SLC9C2: variants seen among roughly 807,000 people sequenced by gnomAD.
SLC9C2 encodes the protein solute carrier family 9 member C2 (putative), also known as sodium/hydrogen exchanger 11.
Under a neutral mutation model 140.2 loss-of-function variants are expected in SLC9C2, and 75 were observed. The ratio of observed to expected loss-of-function variants is 0.53; its 90% CI spans 0.44 to 0.65. SLC9C2 has a LOEUF of 0.65. Ranked by LOEUF, SLC9C2 falls within the 30% of genes least tolerant of loss-of-function variation. The pLI is 0.00. For missense variants in SLC9C2, 1,074 were observed against 1,331.8 expected (o/e 0.81, Z 3.01); for synonymous variants, 375 against 420.9 (o/e 0.89, Z 1.34).
chr1:173,536,760 A>T (rs768605594), intron 14 of SLC9C2, among the ~76,000 whole-genome samples, 182 bp downstream of exon 14: 9 of 152,182 alleles, frequency 5.9e-5, no homozygotes, highest in Non-Finnish European at 1.0e-4. Flanking sequence ...TAAACCAATA[A>T]AATAAAAAGC....
At chr1:173,579,981 A>C (rs1665418522) in intron 7 of SLC9C2, among the ~76,000 whole-genome samples, 1 of 152,220 alleles carries the variant, frequency 6.6e-6, no homozygotes, top group Non-Finnish European at 1.5e-5. Context: ...GGAAAAGGGA[A>C]TAGGAACTCA....
intron 23 of SLC9C2, among the ~76,000 whole-genome samples, chr1:173,511,320 G>A (rs190905609): frequency 7.2e-5 from 11 of 152,022 alleles, no homozygotes; most frequent in East Asian, 3.9e-4. Flanking sequence ...ATGAGCCACC[G>A]TGCCTGGCCC....
At chr1:173,580,110 T>C (rs936236456) in intron 7 of SLC9C2, among the ~76,000 whole-genome samples, 2 of 152,158 alleles carry the variant, frequency 1.3e-5, no homozygotes, top group Non-Finnish European at 2.9e-5. Flanking sequence ...CAGTTCAAGG[T>C]TGGGGCGGTA....
intron 18 of SLC9C2, among the ~76,000 whole-genome samples, chr1:173,527,468 G>A (rs188715092): frequency 5.9e-5 from 9 of 152,318 alleles, no homozygotes; most frequent in East Asian, 1.9e-4. Context: ...GAGAAAATAC[G>A]ATATTGATTA....
At position 173,533,532 on chromosome 1, in the gene SLC9C2, C is replaced by A. The variant is rs1465906537; in HGVS notation, c.2163+77G>T. ...GACTCAAGCAATCCACCCACCTAGG[C>A]CTCCCAAAGTGCTGGGATTATAGGT... On this transcript the variant is annotated intron_variant, in intron 17 of 27. Coordinates refer to ENST00000367714, the MANE Select transcript of SLC9C2 (RefSeq NM_178527.4). 5 of 1,092,690 alleles carry A rather than the reference C, an allele frequency of 4.6e-6. No homozygotes were observed. In the East Asian group the frequency reaches 1.2e-4, roughly 27 times the overall value. The allele number at this position is 1,092,690 out of a possible 1,614,324, so 67.7% of individuals were successfully genotyped here.
At chr1:173,547,914 A>G (rs1662972588) in intron 12 of SLC9C2, 130 bp from the exon 13 acceptor site, 2 of 661,188 alleles carry the variant, frequency 3.0e-6, no homozygotes, top group Non-Finnish European at 5.0e-6. Context: ...GCTAGAATGA[A>G]GAGCTATGTA....
chr1:173,576,650 A>T lies in SLC9C2; in HGVS notation c.902+11T>A. 1.9e-6 allele frequency: 3 copies of T among 1,571,094 alleles called. No homozygotes were observed. The highest frequency in any genetic ancestry group is 2.6e-6 in the Non-Finnish European group (3 of 1,145,344). On this transcript the variant is annotated intron_variant, in intron 8 of 27. Transcript: ENST00000367714. ...TATGAGATCCATCGAAGGGCACGAT[A>T]GGAAACTTACTTAGTAATTACAAGT...
chr1:173,555,596 A>G (rs1234719741), intron 10 of SLC9C2, among the ~76,000 whole-genome samples: 1 of 152,208 alleles, frequency 6.6e-6, no homozygotes, highest in Non-Finnish European at 1.5e-5. Context: ...CCCAGGTGCT[A>G]GTTAACTTCT....
At chr1:173,533,587 A>G in intron 17 of SLC9C2, 22 bp downstream of exon 17, 2 of 1,546,816 alleles carry the variant, frequency 1.3e-6, no homozygotes, top group South Asian at 2.3e-5. Context: ...AAATCTTAAT[A>G]TTTTAAAATG....
At position 173,530,286 on chromosome 1, in the gene SLC9C2, A is replaced by T. The variant is rs1230669666; in HGVS notation, c.2164-232T>A. ...TGCCAGGTGATTCTGTGCCTACAAA[A>T]GTCAAGACCCATTCTCTAAAGAAGG... On this transcript the variant is annotated intron_variant, in intron 17 of 27. Coordinates refer to ENST00000367714, the MANE Select transcript of SLC9C2 (RefSeq NM_178527.4). Among the ~76,000 whole-genome samples, 3 of 152,280 alleles carry T rather than the reference A, an allele frequency of 2.0e-5. No individual in the cohort carries two copies. The East Asian group carries it at 5.8e-4, about 29-fold the overall frequency.
Position 173,536,952 on chromosome 1 carries a change from T to G in SLC9C2, c.1645A>C (p.Ile549Leu), listed in dbSNP as rs1207534453. Reference protein sequence around the residue: ...LIGAAKCYYSIQGKFMSIYDV... With the variant: ...LIGAAKCYYSLQGKFMSIYDV... ...AAGTGTTATACTTACTTTCCTTGGA[T>G]GGAGTAATAGCATTTTGCTGCACCA... The change falls in exon 14 of 28, where the codon ATC (isoleucine) becomes CTC (leucine). Residue 549 changes from isoleucine (I) to leucine (L), a missense_variant. By Grantham distance (5) the Ile-to-Leu change is conservative. Coordinates refer to ENST00000367714, the MANE Select transcript of SLC9C2 (RefSeq NM_178527.4). 1.9e-6 allele frequency: 3 copies of G among 1,612,278 alleles called. No individual in the cohort carries two copies. Among genetic ancestry groups the G allele is most frequent in the Non-Finnish European group, 2.5e-6 (3 of 1,178,680 alleles).
At chr1:173,581,698 A>G (rs1665545644) in intron 7 of SLC9C2, 149 bp downstream of exon 7, 1 of 520,154 alleles carries the variant, frequency 1.9e-6, no homozygotes, top group Middle Eastern at 5.5e-4. Context: ...AAGACCAGGA[A>G]AGAGCTAGAG....
chr1:173,543,895 T>TA (rs929903526), intron 13 of SLC9C2, among the ~76,000 whole-genome samples: 20 of 152,008 alleles, frequency 1.3e-4, no homozygotes, highest in Non-Finnish European at 2.5e-4. Flanking sequence ...CTAAAAACCA[T>TA]AAAAAACCCA....
intron 23 of SLC9C2, among the ~76,000 whole-genome samples, chr1:173,511,217 G>T (rs562794415): frequency 4.1e-4 from 62 of 151,328 alleles, no homozygotes; most frequent in Middle Eastern, 6.8e-3. Flanking sequence ...TTTTTAGTAG[G>T]GATGGGGTTT....
In SLC9C2 at chr1:173,582,002, T is replaced by A. The variant is rs1188972619; in HGVS notation, c.647A>T (p.His216Leu). The change falls in exon 7 of 28, where the codon CAT becomes CTT. Residue 216 changes from histidine to leucine, a missense_variant. Transcript: ENST00000367714. ...RIHFSIFRDL[H>L]VGIELSYDIL... is the part of the protein sequence containing the mutation. ...GTCATAGCTGAGTTCAATGCCTACA[T>A]GTAAATCTAAAAAAAAGAAAGAAAA... 6.6e-7 allele frequency: 1 copy of A among 1,523,566 alleles called. No individual in the cohort carries two copies. Among genetic ancestry groups the A allele is most frequent in the South Asian group, 1.3e-5 (1 of 77,072 alleles). The allele number at this position is 1,523,566 out of a possible 1,614,324, so 94.4% of individuals were successfully genotyped here.
At chr1:173,511,409 A>G (rs191957214) in intron 23 of SLC9C2, among the ~76,000 whole-genome samples, 4 of 152,070 alleles carry the variant, frequency 2.6e-5, no homozygotes, top group Admixed American at 6.6e-5. Context: ...GCATTTTTCT[A>G]ATCAGTGATG....
intron 22 of SLC9C2, among the ~76,000 whole-genome samples, chr1:173,520,889 T>C (rs1322704782): frequency 6.6e-6 from 1 of 152,210 alleles, no homozygotes; most frequent in African/African-American, 2.4e-5. Context: ...CTTGTCCCCA[T>C]CACTCTACTG....
chr1:173,521,595 T>C (rs1483795285), intron 21 of SLC9C2, among the ~76,000 whole-genome samples, 196 bp from the exon 22 acceptor site: 1 of 150,640 alleles, frequency 6.6e-6, no homozygotes, highest in African/African-American at 2.4e-5. Context: ...TATTCTTGGT[T>C]TATTACTGAA....
chr1:173,527,022 T>G (rs993612771), intron 18 of SLC9C2, among the ~76,000 whole-genome samples: 1 of 151,984 alleles, frequency 6.6e-6, no homozygotes, highest in Non-Finnish European at 1.5e-5. Flanking sequence ...TTTTTGTATT[T>G]TTAGTAGAGA....
Sources: gnomAD v4.1 joint callset for allele counts (sites outside exome capture counted in the v4.1 genomes callset) on GRCh38, gnomAD v4.1.1 for gene constraint, MANE v1.5 for transcripts, NCBI Gene and HGNC (gene_info 2026-07-23, HGNC 2026-07-21) for gene names.